The following CAMK2D variants were observed in gnomAD, a reference collection of about 807,000 sequenced individuals.
CAMK2D encodes the protein calcium/calmodulin dependent protein kinase II delta, also known as calcium/calmodulin-dependent protein kinase type II subunit delta.
CAMK2D carries 37 observed loss-of-function variants against 84.0 expected under a neutral mutation model. That is an observed-to-expected ratio of 0.44 (90% CI 0.34 to 0.58). The LOEUF (loss-of-function observed/expected upper bound fraction) is 0.58. Among genes scored for constraint, CAMK2D ranks in the 20% least tolerant of loss-of-function variants. The probability of loss-of-function intolerance (pLI) is 0.02; values close to 1 mark genes in which losing one functional copy is unlikely to be tolerated. For missense variants in CAMK2D, 448 were observed against 652.5 expected (o/e 0.69, Z 3.41); for synonymous variants, 202 against 212.5 (o/e 0.95, Z 0.43).
chr4:113,625,009 T>C (rs1361100538), intron 3 of CAMK2D, among the ~76,000 whole-genome samples: 1 of 152,228 alleles, frequency 6.6e-6, no homozygotes, highest in Non-Finnish European at 1.5e-5. Flanking sequence ...CTCTTCTTTC[T>C]GACCAAGCAC....
intron 2 of CAMK2D, among the ~76,000 whole-genome samples, chr4:113,695,770 A>AC (rs2099400745): frequency 1.3e-5 from 2 of 152,022 alleles, no homozygotes; most frequent in Admixed American, 1.3e-4. Flanking sequence ...CCAAATTTCA[A>AC]CCAAGTAACC....
At chr4:113,596,802 T>C (rs1050393274) in intron 4 of CAMK2D, among the ~76,000 whole-genome samples, 61 of 151,016 alleles carry the variant, frequency 4.0e-4, no homozygotes, top group African/African-American at 1.4e-3. Flanking sequence ...ATTTAGCATC[T>C]ATCTTAAGGG....
intron 2 of CAMK2D, among the ~76,000 whole-genome samples, chr4:113,675,202 G>A (rs2099313409): frequency 1.3e-5 from 2 of 151,962 alleles, no homozygotes; most frequent in African/African-American, 4.8e-5. Context: ...GATTCTCACT[G>A]AAAAACATGT....
chr4:113,702,400 T>C (rs1279793929), intron 2 of CAMK2D, among the ~76,000 whole-genome samples: 1 of 151,680 alleles, frequency 6.6e-6, no homozygotes, highest in South Asian at 2.1e-4. Context: ...ACTGGCCATA[T>C]AAAAACAAGA....
intron 3 of CAMK2D, among the ~76,000 whole-genome samples, chr4:113,628,661 A>T (rs1304764579): frequency 6.6e-6 from 1 of 152,176 alleles, no homozygotes; most frequent in Non-Finnish European, 1.5e-5. Flanking sequence ...GATGCACGTA[A>T]ATAAAACGGG....
Position 113,676,936 on chromosome 4 carries a change from C to T in CAMK2D, c.161-15164G>A, listed in dbSNP as rs559036852. ...CTGCTTTGTAAAAGTTGTATTAAAT[C>T]AATTCCTGTGCTTTTCTCCTGTTAA... On this transcript the variant is annotated intron_variant, in intron 2 of 20. Coordinates refer to ENST00000511664, the MANE Select transcript of CAMK2D (RefSeq NM_001321571.2). Among the ~76,000 whole-genome samples, 15 of 152,294 alleles carry T rather than the reference C, an allele frequency of 9.8e-5. No individual in the cohort carries two copies. The South Asian group carries it at 1.0e-3, about 11-fold the overall frequency.
chr4:113,759,770 T>C (rs747390137), intron 1 of CAMK2D, among the ~76,000 whole-genome samples: 2 of 152,254 alleles, frequency 1.3e-5, no homozygotes, highest in Admixed American at 6.5e-5. Context: ...AGCAAAAAAA[T>C]CTGCTGCCTA....
At chr4:113,518,940 T>C (rs934722672) in intron 8 of CAMK2D, among the ~76,000 whole-genome samples, 1 of 152,014 alleles carries the variant, frequency 6.6e-6, no homozygotes, top group African/African-American at 2.4e-5. Context: ...GATAAAAAAT[T>C]TTAAACAACA....
intron 18 of CAMK2D, among the ~76,000 whole-genome samples, chr4:113,459,103 CTTCA>C (rs1460772691): frequency 6.6e-6 from 1 of 152,160 alleles, no homozygotes; most frequent in Non-Finnish European, 1.5e-5. Context: ...GATTACTCAC[CTTCA>C]TTTTCATTTT....
intron 16 of CAMK2D, among the ~76,000 whole-genome samples, chr4:113,480,885 C>G (rs530529296): frequency 1.3e-5 from 2 of 152,204 alleles, no homozygotes; most frequent in East Asian, 3.9e-4. Flanking sequence ...CCCTTCCATT[C>G]CTTCTGCCAT....
intron 4 of CAMK2D, among the ~76,000 whole-genome samples, chr4:113,603,676 T>C (rs1044480482): frequency 6.7e-5 from 10 of 148,998 alleles, no homozygotes; most frequent in African/African-American, 1.5e-4. Flanking sequence ...AATATATAAA[T>C]TTAAAATAGC....
At chr4:113,654,540 T>A (rs1183335504) in intron 3 of CAMK2D, among the ~76,000 whole-genome samples, 1 of 151,978 alleles carries the variant, frequency 6.6e-6, no homozygotes, top group Admixed American at 6.6e-5. Context: ...TTAGTTAATG[T>A]TTATCTTATG....
rs116560641 is a variant in CAMK2D at position 113,461,789 on chromosome 4, G to A, written c.1212-1548C>T. On this transcript the variant is annotated intron_variant, in intron 17 of 20. Coordinates refer to ENST00000511664, the MANE Select transcript of CAMK2D (RefSeq NM_001321571.2). ...TTTCATAGAGAAATTCCCCATTTGG[G>A]TGGAGGGGGAGCAAAATTTTTTAAA... 7.2e-3 allele frequency among the ~76,000 whole-genome samples: 1,092 copies of A among 152,330 alleles called. 23 individuals carry two copies. The highest frequency in any genetic ancestry group is 0.025 in the African/African-American group (1,046 of 41,576).
rs1407140505 is a variant in CAMK2D, at chr4:113,454,449, C to T, written c.*96G>A. The stretch of plus-strand genomic sequence containing the variant: ...AACATGCATGAAGAGGAGGAGAGGA[C>T]GGCCCAGGGTCACCATCCAGGTGCC... On this transcript the variant is annotated 3_prime_UTR_variant, in exon 21 of 21. Coordinates refer to ENST00000511664, the MANE Select transcript of CAMK2D (RefSeq NM_001321571.2). 1.8e-5 allele frequency: 14 copies of T among 772,622 alleles called. No homozygotes were observed. The highest frequency in any genetic ancestry group is 5.4e-5 in the South Asian group (4 of 73,534). The allele number at this position is 772,622 out of a possible 1,614,324, so 47.9% of individuals were successfully genotyped here.
At chr4:113,515,005 A>AAT in intron 10 of CAMK2D, 64 bp downstream of exon 10, 1 of 1,413,050 alleles carries the variant, frequency 7.1e-7, no homozygotes, top group Non-Finnish European at 1.0e-6. Flanking sequence ...ATCCATAAAC[A>AAT]ATATATTAAA....
Position 113,661,711 on chromosome 4 carries a change from A to T in CAMK2D, c.220+2T>A. The T allele has an allele frequency of 7.4e-7, 1 of 1,346,820 alleles. No homozygotes were observed. The highest frequency in any genetic ancestry group is 1.0e-6 in the Non-Finnish European group (1 of 982,342). The allele number at this position is 1,346,820 out of a possible 1,614,324, so 83.4% of individuals were successfully genotyped here. ...TAAAAAACATTAAAAATACGTTCTCACCAATATTAGGGTGCTTCAAAAGAC... is the reference window on the plus strand; with the variant it reads ...TAAAAAACATTAAAAATACGTTCTCTCCAATATTAGGGTGCTTCAAAAGAC... On this transcript the variant is annotated splice_donor_variant, in intron 3 of 20. Coordinates refer to ENST00000511664, the MANE Select transcript of CAMK2D (RefSeq NM_001321571.2). LOFTEE classifies it high-confidence loss of function.
At chr4:113,505,755 C>A (rs1187832922) in intron 13 of CAMK2D, among the ~76,000 whole-genome samples, 1 of 152,120 alleles carries the variant, frequency 6.6e-6, no homozygotes, top group Non-Finnish European at 1.5e-5. Context: ...CTTGCTTTAA[C>A]ATAACTGGAT....
At chr4:113,462,374 A>G (rs913906826) in intron 17 of CAMK2D, among the ~76,000 whole-genome samples, 2 of 151,458 alleles carry the variant, frequency 1.3e-5, no homozygotes, top group Non-Finnish European at 2.9e-5. Context: ...CTATCTAATC[A>G]TCCATCTACC....
rs141654701 is a variant in CAMK2D, at chr4:113,761,069, C to T, written c.-1G>A. The stretch of plus-strand genomic sequence containing the variant: ...TGGTGCAGGTTGTGGTCGAAGCCAT[C>T]CTCGGTCCGGGCTGTGCCCTGGCTG... On this transcript the variant is annotated 5_prime_UTR_variant, in exon 1 of 21. Coordinates refer to ENST00000511664, the MANE Select transcript of CAMK2D (RefSeq NM_001321571.2). The T allele has an allele frequency of 1.6e-5, 26 of 1,614,008 alleles. No homozygotes were observed. Among genetic ancestry groups the T allele is most frequent in the Middle Eastern group, 1.6e-4 (1 of 6,084 alleles).
Sources: allele counts gnomAD v4.1 joint callset (sites outside exome capture counted in the v4.1 genomes callset), GRCh38; gene constraint gnomAD v4.1.1; transcripts MANE v1.5; gene names NCBI Gene and HGNC (gene_info 2026-07-23, HGNC 2026-07-21).